Variants in CADPS2 observed in about 807,000 individuals in gnomAD.
The protein encoded by CADPS2 is calcium-dependent secretion activator 2.
A neutral mutation model predicts 172.5 loss-of-function variants in CADPS2; 93 were observed. That is an observed-to-expected ratio of 0.54 (90% confidence interval 0.46 to 0.64). The LOEUF (loss-of-function observed/expected upper bound fraction) is 0.64. CADPS2 is among the 30% of genes least tolerant of loss of function. The pLI is 0.00. For missense variants in CADPS2, 1,420 were observed against 1,565.9 expected (o/e 0.91, Z 1.57); for synonymous variants, 546 against 555.2 (o/e 0.98, Z 0.23).
intron 6 of CADPS2, among the ~76,000 whole-genome samples, chr7:122,601,113 G>A (rs180735936): frequency 2.0e-5 from 3 of 147,852 alleles, no homozygotes; most frequent in East Asian, 4.0e-4. Context: ...TACCATACTT[G>A]AAAGTGAAGT....
intron 2 of CADPS2, among the ~76,000 whole-genome samples, chr7:122,713,647 A>G (rs554330225): frequency 2.6e-5 from 4 of 152,184 alleles, no homozygotes; most frequent in African/African-American, 9.6e-5. Context: ...AAAAAAAGTG[A>G]TAAGTATCAC....
At chr7:122,722,196 A>G (rs1427208779) in intron 2 of CADPS2, among the ~76,000 whole-genome samples, 4 of 152,108 alleles carry the variant, frequency 2.6e-5, no homozygotes, top group Non-Finnish European at 5.9e-5. Flanking sequence ...GGCCAGGGCA[A>G]TCAGGCAGGA....
At position 122,438,536 on chromosome 7, in the gene CADPS2, T is replaced by G; in HGVS notation, c.2353-72A>C. On this transcript the variant is annotated intron_variant, in intron 16 of 29. Transcript: ENST00000449022. Reference sequence around the variant, plus strand: ...ACAGATGGAAGAAAAAAGACAGATGTTGCATAAAATAAATACTAAAGACAA... The same window carrying G: ...ACAGATGGAAGAAAAAAGACAGATGGTGCATAAAATAAATACTAAAGACAA... The G allele has an allele frequency of 6.6e-6, 10 of 1,511,000 alleles. No homozygotes were observed. The South Asian group carries it at 1.1e-4, about 16-fold the overall frequency. The allele number at this position is 1,511,000 out of a possible 1,614,324, so 93.6% of individuals were successfully genotyped here.
intron 7 of CADPS2, among the ~76,000 whole-genome samples, chr7:122,569,538 G>A (rs1199552043): frequency 5.1e-5 from 7 of 137,094 alleles, no homozygotes; most frequent in Non-Finnish European, 1.1e-4. Context: ...CTACTTTAAA[G>A]TTCATATGGA....
At chr7:122,575,707 G>T (rs2067947266) in intron 7 of CADPS2, among the ~76,000 whole-genome samples, 3 of 152,230 alleles carry the variant, frequency 2.0e-5, no homozygotes, top group South Asian at 4.2e-4. Context: ...AAAGTGTTGG[G>T]ATTACAAGCA....
At chr7:122,688,820 T>G (rs1336083375) in intron 2 of CADPS2, among the ~76,000 whole-genome samples, 1 of 152,126 alleles carries the variant, frequency 6.6e-6, no homozygotes, top group Non-Finnish European at 1.5e-5. Context: ...AGCCTGTCCT[T>G]GACAAAAGCA....
chr7:122,751,132 A>G (rs1205051975), intron 1 of CADPS2, among the ~76,000 whole-genome samples: 8 of 152,162 alleles, frequency 5.3e-5, no homozygotes. Flanking sequence ...TTTAAGATAT[A>G]GGCATTTCTC....
At chr7:122,383,211 C>G (rs1249327139) in intron 24 of CADPS2, among the ~76,000 whole-genome samples, 1 of 151,948 alleles carries the variant, frequency 6.6e-6, no homozygotes, top group African/African-American at 2.4e-5. Flanking sequence ...GGCTATAATC[C>G]TAAGTAAATT....
chr7:122,884,839 AG>A (rs889527845), intron 1 of CADPS2, among the ~76,000 whole-genome samples: 3 of 152,216 alleles, frequency 2.0e-5, no homozygotes, highest in Non-Finnish European at 4.4e-5. Flanking sequence ...CAAAAAATAA[AG>A]GTTATCTAAA....
chr7:122,462,376 A>G (rs940865212), intron 14 of CADPS2, among the ~76,000 whole-genome samples: 2 of 152,148 alleles, frequency 1.3e-5, no homozygotes, highest in Non-Finnish European at 2.9e-5. Context: ...AAGAGAAAAA[A>G]AAAGAATTAA....
At chr7:122,862,068 A>C (rs17145052) in intron 1 of CADPS2, among the ~76,000 whole-genome samples, 31,623 of 152,192 alleles carry the variant, frequency 0.21, 3,513 homozygotes, top group Middle Eastern at 0.28. Context: ...CCAATTCAAA[A>C]GAATTATGAA....
At chr7:122,361,135 C>A in intron 25 of CADPS2, 122 bp from the exon 26 acceptor site, 1 of 738,614 alleles carries the variant, frequency 1.4e-6, no homozygotes. Flanking sequence ...GAACTGACAG[C>A]TGAGGTCAGA....
chr7:122,689,690 G>T (rs1276042340), intron 2 of CADPS2, among the ~76,000 whole-genome samples: 1 of 152,154 alleles, frequency 6.6e-6, no homozygotes, highest in Non-Finnish European at 1.5e-5. Context: ...TCAACTCCCA[G>T]GGGGTACAAA....
intron 8 of CADPS2, among the ~76,000 whole-genome samples, chr7:122,514,259 C>T (rs1388182974): frequency 6.6e-6 from 1 of 151,404 alleles, no homozygotes; most frequent in Non-Finnish European, 1.5e-5. Flanking sequence ...TTTTATAATC[C>T]TTTATTCTGA....
intron 2 of CADPS2, among the ~76,000 whole-genome samples, chr7:122,689,382 C>A (rs763777530): frequency 6.6e-6 from 1 of 152,192 alleles, no homozygotes; most frequent in Admixed American, 6.5e-5. Flanking sequence ...ATCTGATTAA[C>A]CTTATCAGTT....
rs552361899 is a variant in CADPS2 at position 122,698,498 on chromosome 7, G to A, written c.454-34929C>T. On this transcript the variant is annotated intron_variant, in intron 2 of 29. Coordinates refer to ENST00000449022, the MANE Select transcript of CADPS2 (RefSeq NM_017954.11). ...TCTTCAAATGCCTGATGAAACATGG[G>A]GAACACCTGGTTGCCAGTACCTGGA... The A allele has an allele frequency of 4.3e-6, 7 of 1,613,912 alleles. No homozygotes were observed. The East Asian group carries it at 8.9e-5, about 21-fold the overall frequency.
In CADPS2 at chr7:122,817,746, C is replaced by T. The variant is rs193218134; in HGVS notation, c.339+68253G>A. Among the ~76,000 whole-genome samples the T allele has an allele frequency of 6.6e-5, 10 of 151,940 alleles. No homozygotes were observed. In the East Asian group the frequency reaches 7.8e-4, roughly 12 times the overall value. ...TCAACCCCTTCTCCTTCACTCTTAGCGGCAAGTCCTGCTTTTCTAGAGGGG... is the reference window on the plus strand; with the variant it reads ...TCAACCCCTTCTCCTTCACTCTTAGTGGCAAGTCCTGCTTTTCTAGAGGGG... On this transcript the variant is annotated intron_variant, in intron 1 of 29. Coordinates refer to ENST00000449022, the MANE Select transcript of CADPS2 (RefSeq NM_017954.11).
intron 6 of CADPS2, among the ~76,000 whole-genome samples, chr7:122,587,886 A>C (rs181748777): frequency 6.6e-4 from 101 of 152,140 alleles, no homozygotes; most frequent in African/African-American, 2.4e-3. Context: ...TTGTTTCTTG[A>C]CTTTTTAATA....
chr7:122,591,148 C>A (rs1437472816), intron 6 of CADPS2, among the ~76,000 whole-genome samples: 4 of 152,008 alleles, frequency 2.6e-5, no homozygotes, highest in Admixed American at 1.3e-4. Context: ...TCTCAGGATA[C>A]AAAATCAATG....
Sources: allele counts gnomAD v4.1 joint callset (sites outside exome capture counted in the v4.1 genomes callset), GRCh38; gene constraint gnomAD v4.1.1; transcripts MANE v1.5; gene names NCBI Gene and HGNC (gene_info 2026-07-23, HGNC 2026-07-21).